DNAH7: variants seen among roughly 807,000 people sequenced by gnomAD.
DNAH7 encodes dynein axonemal heavy chain 7.
A neutral mutation model predicts 444.6 loss-of-function variants in DNAH7; 397 were observed. The ratio of observed to expected loss-of-function variants is 0.89; its 90% CI spans 0.82 to 0.97. DNAH7 has a LOEUF of 0.97. Ranked by LOEUF, DNAH7 falls within the 50% of genes least tolerant of loss-of-function variation. The probability of loss-of-function intolerance (pLI) is 0.00; values close to 1 mark genes in which losing one functional copy is unlikely to be tolerated. For synonymous variants in DNAH7, 1,636 were observed against 1,624.4 expected, an observed-to-expected ratio of 1.01 and a Z score of -0.17; for missense variants, 4,902 against 4,800.8, an observed-to-expected ratio of 1.02 and a Z score of -0.62.
At position 195,950,947 on chromosome 2, in the gene DNAH7, C is replaced by T. The variant is rs202155007; in HGVS notation, c.3078+6314G>A. Among the ~76,000 whole-genome samples, 17 of 144,748 alleles carry T rather than the reference C, an allele frequency of 1.2e-4. No individual in the cohort carries two copies. In the Admixed American group the frequency reaches 1.2e-3, roughly 10 times the overall value. 95.0% of individuals were successfully genotyped at this position (144,748 alleles called of 152,430 possible). Reference sequence around the variant, plus strand: ...TGTCTCTATCTCCTTCAGTTCTGCTCTGATCTAAGTTATTTCTTGTCTTCT... The same window carrying T: ...TGTCTCTATCTCCTTCAGTTCTGCTTTGATCTAAGTTATTTCTTGTCTTCT... On this transcript the variant is annotated intron_variant, in intron 19 of 64. Coordinates refer to ENST00000312428, the MANE Select transcript of DNAH7 (RefSeq NM_018897.3).
chr2:195,986,063 C>T (rs562538804), intron 14 of DNAH7, among the ~76,000 whole-genome samples: 2 of 152,298 alleles, frequency 1.3e-5, no homozygotes, highest in South Asian at 2.1e-4. Context: ...GTACACCTGA[C>T]GGACTCCCAC....
In DNAH7 at chr2:195,737,935, G is replaced by GACAT. The variant is rs1359388961; in HGVS notation, c.12057_12060dup (p.Gln4021MetfsTer4). On this transcript the variant is annotated frameshift_variant, in exon 65 of 65. Coordinates refer to ENST00000312428, the MANE Select transcript of DNAH7 (RefSeq NM_018897.3). LOFTEE classifies it high-confidence loss of function. ...ATGTCTTCTGGTTATGAATTAAGTT[G>GACAT]ACATAACAGTGCTACACCTCGTCCA... 1.9e-6 allele frequency: 3 copies of GACAT among 1,613,772 alleles called. No homozygotes were observed. The African/African-American group carries it at 4.0e-5, about 22-fold the overall frequency.
At chr2:196,052,706 G>A (rs1485536513) in intron 2 of DNAH7, among the ~76,000 whole-genome samples, 1 of 152,212 alleles carries the variant, frequency 6.6e-6, no homozygotes, top group Non-Finnish European at 1.5e-5. Context: ...AGGACAGGAT[G>A]TGGAGCAGAG....
At chr2:196,016,164 A>G (rs780023969) in intron 9 of DNAH7, among the ~76,000 whole-genome samples, 3 of 152,028 alleles carry the variant, frequency 2.0e-5, no homozygotes, top group Non-Finnish European at 4.4e-5. Flanking sequence ...CAAGTCTAGC[A>G]TTTTATGGAC....
At chr2:196,060,622 C>T (rs1341534249) in intron 1 of DNAH7, among the ~76,000 whole-genome samples, 2 of 152,134 alleles carry the variant, frequency 1.3e-5, no homozygotes, top group African/African-American at 2.4e-5. Context: ...GTTAAAATCC[C>T]ATCAGAAAAA....
intron 25 of DNAH7, among the ~76,000 whole-genome samples, chr2:195,907,448 T>C (rs1182981128): frequency 3.3e-5 from 5 of 152,154 alleles, no homozygotes; most frequent in African/African-American, 1.2e-4. Context: ...AGGCCCTAGT[T>C]TGCGGTCCTA....
At chr2:195,819,534 A>G (rs1697365026) in intron 49 of DNAH7, among the ~76,000 whole-genome samples, 1 of 152,158 alleles carries the variant, frequency 6.6e-6, no homozygotes, top group Non-Finnish European at 1.5e-5. Flanking sequence ...GCTACCATGA[A>G]TCAGGCTCTA....
At chr2:195,764,945 A>G (rs1405941984) in intron 61 of DNAH7, among the ~76,000 whole-genome samples, 2 of 152,110 alleles carry the variant, frequency 1.3e-5, no homozygotes. Flanking sequence ...CCTGAGCAAA[A>G]TGATTAAAAC....
Position 195,855,974 on chromosome 2 carries a change from G to A in DNAH7, c.8432C>T (p.Ala2811Val), listed in dbSNP as rs773193823. ...TGCAGCCAGTTTTATCTTTTTGGGA[G>A]CTACTATTTTTGCCACTCTGCAAAA... Reference protein sequence around the residue: ...DSYDKVAKIVAPKKIKLAAAE... With the variant: ...DSYDKVAKIVVPKKIKLAAAE... Residue 2811 changes from alanine (A) to valine (V), a missense_variant, in exon 45 of 65, where the codon GCT (alanine) becomes GTT (valine). Coordinates refer to ENST00000312428, the MANE Select transcript of DNAH7 (RefSeq NM_018897.3). 2 of 1,610,138 alleles carry A rather than the reference G, an allele frequency of 1.2e-6. No homozygotes were observed. Among genetic ancestry groups the A allele is most frequent in the Non-Finnish European group, 1.7e-6 (2 of 1,178,678 alleles).
At chr2:195,891,562 T>C (rs1448276032) in intron 31 of DNAH7, 93 bp downstream of exon 31, 2 of 1,119,794 alleles carry the variant, frequency 1.8e-6, no homozygotes, top group African/African-American at 3.2e-5. Flanking sequence ...AATCTATAGA[T>C]ACAATTAGTT....
Position 195,985,211 on chromosome 2 carries a change from G to GA in DNAH7, c.1755-502dup, listed in dbSNP as rs141976524. On this transcript the variant is annotated intron_variant, in intron 14 of 64. Coordinates refer to ENST00000312428, the MANE Select transcript of DNAH7 (RefSeq NM_018897.3). ...AACCATGAACTTATTTTGGCATACA[G>GA]AAAAAAAAAGTAGCAAGAGCTAAGG... Among the ~76,000 whole-genome samples, 2,942 of 151,194 alleles carry GA rather than the reference G, an allele frequency of 0.019. 242 individuals are homozygous for GA. The East Asian group carries it at 0.26, about 14-fold the overall frequency.
chr2:195,969,598 T>C (rs965125305), intron 17 of DNAH7, among the ~76,000 whole-genome samples: 1 of 152,172 alleles, frequency 6.6e-6, no homozygotes, highest in Non-Finnish European at 1.5e-5. Flanking sequence ...AACTAAACCG[T>C]AACCAGGTAC....
chr2:196,029,660 A>G (rs913734467), intron 5 of DNAH7, among the ~76,000 whole-genome samples: 2 of 152,170 alleles, frequency 1.3e-5, no homozygotes, highest in Admixed American at 1.3e-4. Flanking sequence ...AAGAAAGTGA[A>G]TGTCAGAGAG....
chr2:196,050,707 G>A (rs1697411014), intron 3 of DNAH7, among the ~76,000 whole-genome samples: 1 of 152,078 alleles, frequency 6.6e-6, no homozygotes, highest in Non-Finnish European at 1.5e-5. Context: ...ACAAGACAAT[G>A]ACACTTTATA....
chr2:195,837,659 T>C (rs75799995), intron 47 of DNAH7, among the ~76,000 whole-genome samples: 2 of 145,868 alleles, frequency 1.4e-5, no homozygotes, highest in Non-Finnish European at 1.5e-5. Flanking sequence ...CATGTTTTGC[T>C]TTTTTTTTAC....
intron 63 of DNAH7, among the ~76,000 whole-genome samples, chr2:195,750,890 A>C (rs1275066240): frequency 6.6e-6 from 1 of 152,182 alleles, no homozygotes; most frequent in Non-Finnish European, 1.5e-5. Context: ...ATTTGAGCCA[A>C]ATTATTTATC....
chr2:195,817,871 G>A, intron 49 of DNAH7, 42 bp from the exon 50 acceptor site: 1 of 1,450,318 alleles, frequency 6.9e-7, no homozygotes, highest in South Asian at 1.3e-5. Context: ...CATTATTTCT[G>A]TTAAAAAGTC....
At chr2:195,852,481 A>G (rs985671567) in intron 46 of DNAH7, among the ~76,000 whole-genome samples, 3 of 152,030 alleles carry the variant, frequency 2.0e-5, no homozygotes, top group African/African-American at 7.3e-5. Context: ...TTTTATTCTC[A>G]TTATCATCCC....
At chr2:195,967,680 C>T (rs1325716843) in intron 17 of DNAH7, among the ~76,000 whole-genome samples, 1 of 152,148 alleles carries the variant, frequency 6.6e-6, no homozygotes, top group African/African-American at 2.4e-5. Context: ...ATTGTCCTGG[C>T]CTGTAAGGTT....
Sources: allele counts gnomAD v4.1 joint callset (sites outside exome capture counted in the v4.1 genomes callset), GRCh38; gene constraint gnomAD v4.1.1; transcripts MANE v1.5; gene names NCBI Gene and HGNC (gene_info 2026-07-23, HGNC 2026-07-21).